The following SGMS1 variants were observed in gnomAD, a reference collection of about 807,000 sequenced individuals.
SGMS1 encodes the protein phosphatidylcholine:ceramide cholinephosphotransferase 1.
A neutral mutation model predicts 46.2 loss-of-function variants in SGMS1; 13 were observed. That is an observed-to-expected ratio of 0.28 (90% CI 0.18 to 0.45). The LOEUF (loss-of-function observed/expected upper bound fraction) is 0.45. SGMS1 is among the 20% of genes least tolerant of loss of function. The pLI, the probability that SGMS1 is intolerant of heterozygous loss-of-function variation, is 1.00. For synonymous variants in SGMS1, 203 were observed against 187.8 expected, an observed-to-expected ratio of 1.08 and a Z score of -0.66; for missense variants, 324 against 519.9, an observed-to-expected ratio of 0.62 and a Z score of 3.66.
At chr10:50,455,128 A>G (rs772288256) in intron 5 of SGMS1, among the ~76,000 whole-genome samples, 2 of 152,118 alleles carry the variant, frequency 1.3e-5, no homozygotes, top group Non-Finnish European at 2.9e-5. Context: ...AGAGATATTC[A>G]CTAGATAAAT....
intron 5 of SGMS1, among the ~76,000 whole-genome samples, chr10:50,458,721 T>G (rs2133680894): frequency 6.6e-6 from 1 of 152,236 alleles, no homozygotes; most frequent in Non-Finnish European, 1.5e-5. Context: ...CTCAGTGTAT[T>G]CATCTTTCAG....
intron 3 of SGMS1, among the ~76,000 whole-genome samples, chr10:50,488,884 A>G (rs73316673): frequency 6.6e-6 from 1 of 152,140 alleles, no homozygotes; most frequent in African/African-American, 2.4e-5. Flanking sequence ...CATTGGTCAT[A>G]GTTTCCTCAA....
In SGMS1 at chr10:50,313,341, C is replaced by T. The variant is rs146965352; in HGVS notation, c.742-1926G>A. ...CAAAAATTACAGAGTAACAATATCT[C>T]ATGTCACGTGGAGACACAAAAGTAA... is the stretch of plus-strand genomic sequence containing the variant. On this transcript the variant is annotated intron_variant, in intron 8 of 10. Coordinates refer to ENST00000361781, the MANE Select transcript of SGMS1 (RefSeq NM_147156.4). 2.4e-3 allele frequency among the ~76,000 whole-genome samples: 361 copies of T among 152,176 alleles called. 1 individual carries two copies. The highest frequency in any genetic ancestry group is 7.7e-3 in the African/African-American group (321 of 41,514).
intron 1 of SGMS1, among the ~76,000 whole-genome samples, chr10:50,593,130 C>T (rs1021414141): frequency 6.6e-6 from 1 of 152,182 alleles, no homozygotes; most frequent in African/African-American, 2.4e-5. Context: ...CAGAGATACA[C>T]GTGGGAAAGA....
At chr10:50,443,458 A>G (rs1168773011) in intron 5 of SGMS1, among the ~76,000 whole-genome samples, 1 of 152,170 alleles carries the variant, frequency 6.6e-6, no homozygotes, top group East Asian at 1.9e-4. Context: ...CAGACATCTC[A>G]TTCGAAACAG....
intron 2 of SGMS1, among the ~76,000 whole-genome samples, chr10:50,570,919 C>T (rs1838331981): frequency 6.6e-6 from 1 of 151,350 alleles, no homozygotes; most frequent in Non-Finnish European, 1.5e-5. Flanking sequence ...GCCCGGTCAT[C>T]AGACAACAGA....
chr10:50,389,516 A>T (rs1848733671), intron 6 of SGMS1, among the ~76,000 whole-genome samples: 1 of 152,232 alleles, frequency 6.6e-6, no homozygotes, highest in Non-Finnish European at 1.5e-5. Flanking sequence ...TTTACTTAAG[A>T]TCACAAGGCA....
At chr10:50,623,306 C>G (rs2131953289) in intron 1 of SGMS1, among the ~76,000 whole-genome samples, 1 of 152,272 alleles carries the variant, frequency 6.6e-6, no homozygotes, top group Admixed American at 6.5e-5. Context: ...GTCTCCGGAC[C>G]CCGGGCGGGC....
At chr10:50,359,268 C>T (rs1848207261) in intron 6 of SGMS1, among the ~76,000 whole-genome samples, 1 of 152,142 alleles carries the variant, frequency 6.6e-6, no homozygotes, top group Admixed American at 6.5e-5. Context: ...TGTGTTTATT[C>T]AATAATGTTT....
At chr10:50,575,618 C>A (rs1045418296) in intron 2 of SGMS1, among the ~76,000 whole-genome samples, 4 of 152,126 alleles carry the variant, frequency 2.6e-5, no homozygotes, top group African/African-American at 9.7e-5. Flanking sequence ...CCTCCCCCCA[C>A]ACACAAAGGA....
chr10:50,433,118 T>A (rs1391694940), intron 6 of SGMS1, among the ~76,000 whole-genome samples: 2 of 152,136 alleles, frequency 1.3e-5, no homozygotes, highest in East Asian at 3.8e-4. Context: ...GAGTGAGAAA[T>A]GGAGCCCAAG....
intron 8 of SGMS1, among the ~76,000 whole-genome samples, chr10:50,325,550 A>C (rs1317605259): frequency 6.6e-6 from 1 of 152,212 alleles, no homozygotes; most frequent in Non-Finnish European, 1.5e-5. Flanking sequence ...GAAAACCCAC[A>C]AGCTATTCTT....
At chr10:50,547,718 C>T (rs1838113403) in intron 2 of SGMS1, among the ~76,000 whole-genome samples, 1 of 152,090 alleles carries the variant, frequency 6.6e-6, no homozygotes, top group Non-Finnish European at 1.5e-5. Flanking sequence ...CTGATACCAA[C>T]ACCTGGCAGA....
chr10:50,322,031 T>C (rs1252655265), intron 8 of SGMS1, among the ~76,000 whole-genome samples: 1 of 152,238 alleles, frequency 6.6e-6, no homozygotes, highest in East Asian at 1.9e-4. Context: ...TTGTATTATA[T>C]TGATCCACTG....
At chr10:50,558,193 T>G (rs1312190677) in intron 2 of SGMS1, among the ~76,000 whole-genome samples, 4 of 152,202 alleles carry the variant, frequency 2.6e-5, no homozygotes, top group Admixed American at 6.5e-5. Context: ...CCTCTGTGCT[T>G]CTTCAACTGA....
intron 2 of SGMS1, among the ~76,000 whole-genome samples, chr10:50,582,180 T>A (rs1424369321): frequency 6.6e-6 from 1 of 152,186 alleles, no homozygotes; most frequent in African/African-American, 2.4e-5. Context: ...GTATCAGAGA[T>A]TACTTACAAA....
intron 6 of SGMS1, among the ~76,000 whole-genome samples, chr10:50,404,710 C>T (rs1274476453): frequency 6.6e-6 from 1 of 152,092 alleles, no homozygotes; most frequent in African/African-American, 2.4e-5. Context: ...AGGAATTTAC[C>T]CTACAGGTAT....
At chr10:50,438,404 T>G (rs1045680205) in intron 5 of SGMS1, among the ~76,000 whole-genome samples, 2 of 152,184 alleles carry the variant, frequency 1.3e-5, no homozygotes, top group Non-Finnish European at 2.9e-5. Context: ...AACCTCCAGC[T>G]GACAGCAAGA....
At chr10:50,487,448 T>C (rs1375361403) in intron 3 of SGMS1, among the ~76,000 whole-genome samples, 1 of 152,252 alleles carries the variant, frequency 6.6e-6, no homozygotes, top group Non-Finnish European at 1.5e-5. Flanking sequence ...TTTGCCTATG[T>C]AACAAACATG....
Sources: gnomAD v4.1 joint callset for allele counts (sites outside exome capture counted in the v4.1 genomes callset) on GRCh38, gnomAD v4.1.1 for gene constraint, MANE v1.5 for transcripts, NCBI Gene and HGNC (gene_info 2026-07-23, HGNC 2026-07-21) for gene names.